The following MAP3K9 variants were observed in gnomAD, a reference collection of about 807,000 sequenced individuals.
MAP3K9 encodes the protein mitogen-activated protein kinase kinase kinase 9, also known as mixed lineage kinase 1 (tyr and ser/thr specificity).
MAP3K9 carries 46 observed loss-of-function variants against 95.8 expected under a neutral mutation model. The observed-to-expected ratio is 0.48, with a 90% CI of 0.38 to 0.61. MAP3K9 has a LOEUF of 0.61. MAP3K9 is among the 20% of genes least tolerant of loss of function. MAP3K9 has a pLI of 0.00. For synonymous variants in MAP3K9, 533 were observed against 593.8 expected, an observed-to-expected ratio of 0.90 and a Z score of 1.49; for missense variants, 1,296 against 1,474.3, an observed-to-expected ratio of 0.88 and a Z score of 1.98.
chr14:70,781,520 G>A (rs894556544), intron 2 of MAP3K9, among the ~76,000 whole-genome samples: 3 of 152,172 alleles, frequency 2.0e-5, no homozygotes, highest in African/African-American at 4.8e-5. Flanking sequence ...GTTTGGGGTC[G>A]TTTGTTCTGA....
At chr14:70,778,038 A>G (rs1725838924) in intron 2 of MAP3K9, among the ~76,000 whole-genome samples, 2 of 152,192 alleles carry the variant, frequency 1.3e-5, no homozygotes, top group African/African-American at 4.8e-5. Context: ...ATGATCCTAT[A>G]AAGGAAACTA....
At chr14:70,786,027 G>A (rs1401367987) in intron 2 of MAP3K9, among the ~76,000 whole-genome samples, 1 of 152,144 alleles carries the variant, frequency 6.6e-6, no homozygotes. Flanking sequence ...ATGTATTACT[G>A]TCACCATGAA....
chr14:70,739,866 G>C (rs1232701075), intron 7 of MAP3K9, 176 bp downstream of exon 7: 5 of 1,546,972 alleles, frequency 3.2e-6, no homozygotes, highest in African/African-American at 1.4e-5. Flanking sequence ...TTAATGGAGA[G>C]AGACAAGGGA....
intron 2 of MAP3K9, among the ~76,000 whole-genome samples, chr14:70,772,115 G>A (rs1046712777): frequency 3.9e-5 from 6 of 152,236 alleles, no homozygotes; most frequent in East Asian, 1.9e-4. Flanking sequence ...GCAGAGCTGC[G>A]GTGCTGCCTA....
Position 70,739,978 on chromosome 14 carries a change from G to C in MAP3K9, c.1690+64C>G. The C allele has an allele frequency of 2.5e-6, 4 of 1,614,202 alleles. No individual in the cohort carries two copies. In the East Asian group the frequency reaches 6.7e-5, roughly 27 times the overall value. On this transcript the variant is annotated intron_variant, in intron 7 of 11. Coordinates refer to ENST00000554752, the MANE Select transcript of MAP3K9 (RefSeq NM_001284230.2). ...GCAAGCCTGGACCAGTCGGTGGCTG[G>C]ACAGAGCAGGGGACAGGTGCCCCTG...
At chr14:70,800,051 A>G (rs1310114646) in intron 2 of MAP3K9, among the ~76,000 whole-genome samples, 1 of 152,202 alleles carries the variant, frequency 6.6e-6, no homozygotes, top group African/African-American at 2.4e-5. Context: ...CTGGATATTT[A>G]ATAAAGAGTT....
At position 70,801,063 on chromosome 14, in the gene MAP3K9, C is replaced by T. The variant is rs961518449; in HGVS notation, c.424G>A (p.Ala142Thr). 1.9e-6 allele frequency: 3 copies of T among 1,608,074 alleles called. No homozygotes were observed. The highest frequency in any genetic ancestry group is 1.7e-6 in the Non-Finnish European group (2 of 1,175,528). ...PPIQLLEIDF[A>T]ELTLEEIIGI... ...ATAATCTCTTCCAAGGTGAGCTCCG[C>T]AAAATCAATTTCTAACACTGAGAAA... The change falls in exon 2 of 12, where the codon GCG becomes ACG. Residue 142 changes from alanine (A) to threonine (T), a missense_variant. Ala to Thr is a moderately conservative substitution (Grantham distance 58, BLOSUM62 0). This residue lies in a region of MAP3K9 where 338 missense variants were observed against 363.4 expected (regional missense o/e 0.93). Coordinates refer to ENST00000554752, the MANE Select transcript of MAP3K9 (RefSeq NM_001284230.2).
In MAP3K9 at chr14:70,738,970, A is replaced by G. The variant is rs182557834; in HGVS notation, c.1691-572T>C. 9.8e-5 allele frequency among the ~76,000 whole-genome samples: 15 copies of G among 152,366 alleles called. No individual in the cohort carries two copies. In the South Asian group the frequency reaches 2.3e-3, roughly 23 times the overall value. On this transcript the variant is annotated intron_variant, in intron 7 of 11. Transcript: ENST00000554752. ...CCCAAATGCCCCAGGGACTGTGCTT[A>G]TATCATAAACGAGCAAACTAGTTAC...
intron 5 of MAP3K9, among the ~76,000 whole-genome samples, chr14:70,747,550 G>T (rs113335018): frequency 6.6e-6 from 1 of 152,098 alleles, no homozygotes; most frequent in East Asian, 1.9e-4. Context: ...AACGAATATC[G>T]GTTTTTGGAA....
chr14:70,742,651 G>T, intron 5 of MAP3K9, 60 bp from the exon 6 acceptor site: 1 of 1,573,772 alleles, frequency 6.4e-7, no homozygotes. Flanking sequence ...GAGGGGCTCT[G>T]GGGTGAGGCC....
rs757487803 is a variant in MAP3K9 at position 70,761,032 on chromosome 14, G to A, written c.971C>T (p.Ser324Phe). ...AWMAPEVIRA[S>F]MFSKGSDVWS... ...CACATCACTGCCTTTGGAAAACATGGAGGCCCGGATGACTTCGGGTGCCAT... is the reference window on the plus strand; with the variant it reads ...CACATCACTGCCTTTGGAAAACATGAAGGCCCGGATGACTTCGGGTGCCAT... The change falls in exon 3 of 12, where the codon TCC becomes TTC. Residue 324 changes from serine (S) to phenylalanine (F), a missense_variant. Ser to Phe is a radical substitution (Grantham distance 155). Transcript: ENST00000554752. 6.2e-7 allele frequency: 1 copy of A among 1,613,714 alleles called. No individual in the cohort carries two copies. Among genetic ancestry groups the A allele is most frequent in the Admixed American group, 1.7e-5 (1 of 59,964 alleles).
chr14:70,793,064 A>G (rs1460574012), intron 2 of MAP3K9, among the ~76,000 whole-genome samples: 1 of 152,248 alleles, frequency 6.6e-6, no homozygotes, highest in Non-Finnish European at 1.5e-5. Flanking sequence ...AACAGGCACC[A>G]TGAGGAGCGT....
intron 5 of MAP3K9, 43 bp downstream of exon 5, chr14:70,748,786 T>C: frequency 6.5e-7 from 1 of 1,547,602 alleles, no homozygotes; most frequent in African/African-American, 1.4e-5. Flanking sequence ...CATGCCTTTT[T>C]TCTTTTCGTT....
At chr14:70,735,128 C>A (rs2053966136) in intron 9 of MAP3K9, among the ~76,000 whole-genome samples, 1 of 152,222 alleles carries the variant, frequency 6.6e-6, no homozygotes, top group Admixed American at 6.5e-5. Context: ...CTTGGTCTGT[C>A]TGGGGGTGGA....
chr14:70,780,087 C>T (rs983652040), intron 2 of MAP3K9, among the ~76,000 whole-genome samples: 1 of 152,236 alleles, frequency 6.6e-6, no homozygotes, highest in African/African-American at 2.4e-5. Flanking sequence ...CACTCCCAAA[C>T]AACTCTGGCT....
At chr14:70,755,426 C>G (rs550177289) in intron 3 of MAP3K9, among the ~76,000 whole-genome samples, 2 of 152,360 alleles carry the variant, frequency 1.3e-5, no homozygotes, top group South Asian at 4.1e-4. Flanking sequence ...AGCTTTATGT[C>G]TGCCACCTGG....
intron 3 of MAP3K9, among the ~76,000 whole-genome samples, chr14:70,757,663 A>C (rs963081169): frequency 4.6e-5 from 7 of 152,234 alleles, no homozygotes; most frequent in African/African-American, 1.7e-4. Context: ...CTTACCACAA[A>C]GTCATACTAA....
intron 2 of MAP3K9, among the ~76,000 whole-genome samples, chr14:70,795,273 G>A (rs1480306650): frequency 1.3e-5 from 2 of 150,942 alleles, no homozygotes; most frequent in Non-Finnish European, 3.0e-5. Context: ...TGGGATTACA[G>A]GCGTGAGCCA....
At chr14:70,794,877 CTG>C (rs747424051) in intron 2 of MAP3K9, among the ~76,000 whole-genome samples, 3 of 151,186 alleles carry the variant, frequency 2.0e-5, no homozygotes, top group Non-Finnish European at 4.4e-5. Context: ...CGGGGTTTCA[CTG>C]TGTTAGCCAG....
Sources: gnomAD v4.1 joint callset for allele counts (sites outside exome capture counted in the v4.1 genomes callset) on GRCh38, gnomAD v4.1.1 for gene constraint, gnomAD v4.1.1 regional missense constraint, MANE v1.5 for transcripts, NCBI Gene and HGNC (gene_info 2026-07-23, HGNC 2026-07-21) for gene names.